Variants in AKT3 observed in about 807,000 individuals in gnomAD.
AKT3 encodes the protein RAC-gamma serine/threonine-protein kinase.
In AKT3, 15 loss-of-function variants were observed where a neutral mutation model predicts 65.3. That is an observed-to-expected ratio of 0.23 (90% confidence interval 0.15 to 0.35). AKT3 has a LOEUF of 0.35. Among genes scored for constraint, AKT3 ranks in the 10% least tolerant of loss-of-function variants. AKT3 has a pLI of 1.00. For synonymous variants in AKT3, 206 were observed against 183.8 expected (o/e 1.12, Z -0.98); for missense variants, 243 against 576.5 (o/e 0.42, Z 5.92).
intron 11 of AKT3, among the ~76,000 whole-genome samples, chr1:243,551,429 T>C (rs958367553): frequency 2.0e-5 from 3 of 152,158 alleles, no homozygotes; most frequent in Admixed American, 6.5e-5. Context: ...AATATCTCTT[T>C]TATTATGTTT....
intron 2 of AKT3, among the ~76,000 whole-genome samples, chr1:243,791,700 G>T (rs555250482): frequency 6.6e-6 from 1 of 152,256 alleles, no homozygotes; most frequent in South Asian, 2.1e-4. Context: ...AATAAGAGGA[G>T]TCACTTATTC....
At chr1:243,709,088 C>G (rs576039275) in intron 2 of AKT3, among the ~76,000 whole-genome samples, 1 of 151,678 alleles carries the variant, frequency 6.6e-6, no homozygotes, top group African/African-American at 2.4e-5. Flanking sequence ...ATTCACTTAT[C>G]AAAGTTTTTT....
In AKT3 at chr1:243,501,462, C is replaced by T. The variant is rs1669292541; in HGVS notation, c.*3787G>A. The T allele has an allele frequency of 8.6e-6, 2 of 233,070 alleles. No individual in the cohort carries two copies. Among genetic ancestry groups the T allele is most frequent in the Non-Finnish European group, 1.7e-5 (2 of 118,020 alleles). The allele number at this position is 233,070 out of a possible 1,614,324, so 14.4% of individuals were successfully genotyped here. A position where few individuals can be genotyped will look rare whatever the true frequency, so the allele number is the denominator to read the frequency against. ...TGAATGTCCCCAGGGTCTGAGACCT[C>T]CTTCATCCCTGGCTTCACAGTACAT... On this transcript the variant is annotated 3_prime_UTR_variant, in exon 14 of 14. Coordinates refer to ENST00000673466, the MANE Select transcript of AKT3 (RefSeq NM_005465.7).
At chr1:243,835,289 G>A (rs1029396827) in intron 2 of AKT3, among the ~76,000 whole-genome samples, 1 of 152,188 alleles carries the variant, frequency 6.6e-6, no homozygotes, top group East Asian at 1.9e-4. Context: ...AAATCACCCT[G>A]GTTGTACTTT....
chr1:243,671,636 A>C (rs748089000), intron 3 of AKT3, among the ~76,000 whole-genome samples: 1 of 152,210 alleles, frequency 6.6e-6, no homozygotes, highest in Non-Finnish European at 1.5e-5. Context: ...TAGGTGAGGC[A>C]GGTGTCCTGG....
chr1:243,764,850 T>G (rs1689717481), intron 2 of AKT3, among the ~76,000 whole-genome samples: 1 of 152,142 alleles, frequency 6.6e-6, no homozygotes, highest in Non-Finnish European at 1.5e-5. Flanking sequence ...TCTGCATCAG[T>G]CAGATTACTA....
intron 8 of AKT3, among the ~76,000 whole-genome samples, chr1:243,613,367 C>T (rs1197844903): frequency 6.6e-6 from 1 of 151,792 alleles, no homozygotes; most frequent in Non-Finnish European, 1.5e-5. Context: ...TCTTGTATTT[C>T]TGGTTTTCAA....
chr1:243,834,284 G>A lies in AKT3; in HGVS notation c.46+8841C>T, dbSNP rs562672254. Among the ~76,000 whole-genome samples, 338 of 152,168 alleles carry A rather than the reference G, an allele frequency of 2.2e-3. 1 individual carries two copies. The highest frequency in any genetic ancestry group is 3.6e-3 in the Non-Finnish European group (247 of 68,004). On this transcript the variant is annotated intron_variant, in intron 2 of 13. Transcript: ENST00000673466. ...ACCTAAATGCTCATCAACAGCAGACGAAAATGTGGTACATACACACCATGG... is the reference window on the plus strand; with the variant it reads ...ACCTAAATGCTCATCAACAGCAGACAAAAATGTGGTACATACACACCATGG...
At chr1:243,796,786 G>A (rs1367642917) in intron 2 of AKT3, among the ~76,000 whole-genome samples, 2 of 152,102 alleles carry the variant, frequency 1.3e-5, no homozygotes, top group African/African-American at 4.8e-5. Flanking sequence ...ATATTATGGA[G>A]TGTTATTTAG....
intron 10 of AKT3, among the ~76,000 whole-genome samples, chr1:243,560,743 T>C (rs1010989383): frequency 3.3e-5 from 5 of 152,156 alleles, no homozygotes; most frequent in Non-Finnish European, 7.4e-5. Flanking sequence ...TGGACTCTTC[T>C]TGCATTAGAT....
At chr1:243,525,214 G>A (rs1016276915) in intron 12 of AKT3, among the ~76,000 whole-genome samples, 2 of 152,222 alleles carry the variant, frequency 1.3e-5, no homozygotes, top group Middle Eastern at 3.4e-3. Context: ...TTAACCCACT[G>A]GAAAAAAGAA....
intron 12 of AKT3, among the ~76,000 whole-genome samples, chr1:243,543,925 T>A (rs1020479175): frequency 6.6e-6 from 1 of 152,164 alleles, no homozygotes; most frequent in African/African-American, 2.4e-5. Context: ...AATAACATAA[T>A]ACAGACATGA....
intron 13 of AKT3, among the ~76,000 whole-genome samples, chr1:243,508,016 A>G (rs1468304868): frequency 6.6e-6 from 1 of 152,220 alleles, no homozygotes; most frequent in Non-Finnish European, 1.5e-5. Flanking sequence ...TATACAAGCA[A>G]GGTGGCAAGT....
intron 2 of AKT3, among the ~76,000 whole-genome samples, chr1:243,775,348 T>C (rs1407349755): frequency 1.3e-5 from 2 of 152,072 alleles, no homozygotes; most frequent in African/African-American, 4.8e-5. Flanking sequence ...GCCCAGCTAA[T>C]TTTTTGTATT....
chr1:243,610,824 T>C (rs1434628580), intron 8 of AKT3, among the ~76,000 whole-genome samples: 1 of 152,226 alleles, frequency 6.6e-6, no homozygotes, highest in Non-Finnish European at 1.5e-5. Flanking sequence ...AAGTATGCTT[T>C]ATACTCGTCT....
chr1:243,553,094 C>A, intron 10 of AKT3, 151 bp from the exon 11 acceptor site: 2 of 547,892 alleles, frequency 3.7e-6, no homozygotes, highest in East Asian at 3.1e-5. Flanking sequence ...AAGCATCCTA[C>A]AAAAAATACA....
intron 8 of AKT3, among the ~76,000 whole-genome samples, chr1:243,583,551 A>G (rs1675571178): frequency 2.1e-5 from 1 of 47,156 alleles, no homozygotes; most frequent in South Asian, 6.7e-4. Flanking sequence ...AAAAAAAAAA[A>G]AAAAAGAAAA....
intron 2 of AKT3, among the ~76,000 whole-genome samples, chr1:243,727,161 T>C (rs1420033975): frequency 1.3e-5 from 2 of 152,082 alleles, no homozygotes; most frequent in African/African-American, 4.8e-5. Flanking sequence ...ACATTGTGGG[T>C]CAAAATCAGG....
At chr1:243,558,400 A>G (rs1328611694) in intron 10 of AKT3, among the ~76,000 whole-genome samples, 5 of 152,050 alleles carry the variant, frequency 3.3e-5, no homozygotes, top group Admixed American at 6.6e-5. Context: ...TAAAAATGTT[A>G]CATTATATGC....
Sources: allele counts gnomAD v4.1 joint callset (sites outside exome capture counted in the v4.1 genomes callset), GRCh38; gene constraint gnomAD v4.1.1; transcripts MANE v1.5; gene names NCBI Gene and HGNC (gene_info 2026-07-23, HGNC 2026-07-21).